The following NFIB variants were observed in gnomAD, a reference collection of about 807,000 sequenced individuals.
NFIB encodes the protein nuclear factor 1 B-type.
In NFIB, 11 loss-of-function variants were observed where a neutral mutation model predicts 61.5. The observed-to-expected ratio is 0.18, with a 90% CI of 0.11 to 0.30. NFIB has a LOEUF of 0.30. Ranked by LOEUF, NFIB falls within the 10% of genes least tolerant of loss-of-function variation. NFIB has a pLI of 1.00. For missense variants in NFIB, 471 were observed against 608.9 expected, an observed-to-expected ratio of 0.77 and a Z score of 2.38; for synonymous variants, 260 against 216.5, an observed-to-expected ratio of 1.20 and a Z score of -1.76.
chr9:14,110,979 T>A (rs535213278), intron 10 of NFIB, among the ~76,000 whole-genome samples: 1 of 152,004 alleles, frequency 6.6e-6, no homozygotes, highest in East Asian at 1.9e-4. Context: ...TATAAAGAAC[T>A]TTTTTTTGCT....
chr9:14,511,471 A>G, the NFIB span, among the ~76,000 whole-genome samples: 7 of 151,972 alleles, frequency 4.6e-5, no homozygotes, highest in African/African-American at 1.7e-4. Context: ...TGCTTATTAT[A>G]TAATAGTTTC....
At chr9:14,383,577 T>A (rs2133009054) in intron 1 of NFIB, among the ~76,000 whole-genome samples, 1 of 152,322 alleles carries the variant, frequency 6.6e-6, no homozygotes, top group South Asian at 2.1e-4. Context: ...GGTGGTTTAC[T>A]TTTAAGCAAA....
intron 1 of NFIB, among the ~76,000 whole-genome samples, chr9:14,360,631 G>T (rs989835580): frequency 4.1e-4 from 61 of 150,546 alleles, no homozygotes; most frequent in Non-Finnish European, 7.2e-4. Flanking sequence ...TGCAAGCTCC[G>T]CCTCCCGGGC....
chr9:14,473,674 G>T, the NFIB span, among the ~76,000 whole-genome samples: 1 of 152,160 alleles, frequency 6.6e-6, no homozygotes, highest in Non-Finnish European at 1.5e-5. Flanking sequence ...CCAGTTTGAG[G>T]ACAGTTCCAT....
chr9:14,500,638 T>A, the NFIB span, among the ~76,000 whole-genome samples: 2 of 152,164 alleles, frequency 1.3e-5, no homozygotes, highest in African/African-American at 4.8e-5. Context: ...CCAGTCCCGG[T>A]AAAAGCAAAC....
At chr9:14,401,378 T>G (rs947925331), upstream of NFIB, among the ~76,000 whole-genome samples, 3 of 152,198 alleles carry the variant, frequency 2.0e-5, no homozygotes, top group African/African-American at 7.2e-5. Flanking sequence ...CGTGAGGCCT[T>G]GCTTCCAATC....
At chr9:14,350,416 T>C (rs1182797711) in intron 1 of NFIB, among the ~76,000 whole-genome samples, 1 of 150,564 alleles carries the variant, frequency 6.6e-6, no homozygotes, top group Non-Finnish European at 1.5e-5. Flanking sequence ...GTTTTGCCTC[T>C]GGAGATCAGT....
chr9:14,146,621 T>C, intron 6 of NFIB, 68 bp downstream of exon 6: 1 of 1,607,184 alleles, frequency 6.2e-7, no homozygotes, highest in East Asian at 2.2e-5. Context: ...AAATTTTGAC[T>C]CAACGAAACT....
intron 2 of NFIB, among the ~76,000 whole-genome samples, chr9:14,297,779 T>A (rs2059529348): frequency 6.6e-6 from 1 of 152,238 alleles, no homozygotes; most frequent in African/African-American, 2.4e-5. Flanking sequence ...TTTAAATATT[T>A]AATCTGGCAA....
chr9:14,089,285 G>T (rs1261140651), intron 10 of NFIB, among the ~76,000 whole-genome samples: 1 of 151,512 alleles, frequency 6.6e-6, no homozygotes, highest in African/African-American at 2.4e-5. Context: ...GGGGTTGGGG[G>T]TGTTGGAGGC....
intron 2 of NFIB, among the ~76,000 whole-genome samples, chr9:14,288,005 T>C (rs752271505): frequency 2.6e-5 from 4 of 152,136 alleles, no homozygotes; most frequent in Non-Finnish European, 5.9e-5. Context: ...ATGATAGTCA[T>C]GTAAACTGGA....
chr9:14,140,866 T>C (rs2041621306), intron 6 of NFIB, among the ~76,000 whole-genome samples: 2 of 152,014 alleles, frequency 1.3e-5, no homozygotes, highest in Admixed American at 1.3e-4. Context: ...CCTGGGGGGG[T>C]CAGGGCTACA....
At chr9:14,492,287 G>A in the NFIB span, among the ~76,000 whole-genome samples, 21 of 151,912 alleles carry the variant, frequency 1.4e-4, no homozygotes, top group South Asian at 4.2e-4. Flanking sequence ...GGCATGAACC[G>A]GGGAGGCGGA....
chr9:14,210,712 A>G (rs939368497), intron 2 of NFIB, among the ~76,000 whole-genome samples: 12 of 152,114 alleles, frequency 7.9e-5, no homozygotes, highest in African/African-American at 2.2e-4. Flanking sequence ...GATGATTACT[A>G]TAAGTACAAT....
At chr9:14,224,869 T>G (rs1563919652) in intron 2 of NFIB, among the ~76,000 whole-genome samples, 1 of 152,346 alleles carries the variant, frequency 6.6e-6, no homozygotes, top group East Asian at 1.9e-4. Context: ...ATAAGTGGTT[T>G]CTCAATTTTA....
chr9:14,479,610 C>A, the NFIB span, among the ~76,000 whole-genome samples: 1 of 152,192 alleles, frequency 6.6e-6, no homozygotes, highest in African/African-American at 2.4e-5. Context: ...GATCTGAGAT[C>A]TGGCTCAGAT....
the NFIB span, among the ~76,000 whole-genome samples, chr9:14,529,967 T>G: frequency 6.6e-6 from 1 of 152,210 alleles, no homozygotes; most frequent in East Asian, 1.9e-4. Flanking sequence ...AGCTGCAATC[T>G]GACTGTACAG....
At chr9:14,464,515 G>C in the NFIB span, among the ~76,000 whole-genome samples, 7 of 152,238 alleles carry the variant, frequency 4.6e-5, no homozygotes, top group African/African-American at 1.4e-4. Flanking sequence ...TGAAGTGTTG[G>C]AGGAAAAAGG....
chr9:14,442,968 G>C, the NFIB span, among the ~76,000 whole-genome samples: 1 of 151,984 alleles, frequency 6.6e-6, no homozygotes. Flanking sequence ...CTTGCGACAT[G>C]GCCAATCCCA....
Sources: gnomAD v4.1 joint callset for allele counts (sites outside exome capture counted in the v4.1 genomes callset) on GRCh38, gnomAD v4.1.1 for gene constraint, MANE v1.5 for transcripts, NCBI Gene and HGNC (gene_info 2026-07-23, HGNC 2026-07-21) for gene names.